The following PDE10A variants were observed in gnomAD, a reference collection of about 807,000 sequenced individuals.
PDE10A encodes phosphodiesterase 10A.
In PDE10A, 39 loss-of-function variants were observed where a neutral mutation model predicts 97.7. That is an observed-to-expected ratio of 0.40 (90% CI 0.31 to 0.52). The LOEUF is 0.52. Ranked by LOEUF, PDE10A falls within the 20% of genes least tolerant of loss-of-function variation. PDE10A has a pLI of 0.56. For synonymous variants in PDE10A, 371 were observed against 376.8 expected, an observed-to-expected ratio of 0.98 and a Z score of 0.18; for missense variants, 731 against 1,047.8, an observed-to-expected ratio of 0.70 and a Z score of 4.17.
At chr6:165,829,198 T>G (rs944185238) in intron 1 of PDE10A, among the ~76,000 whole-genome samples, 1 of 152,194 alleles carries the variant, frequency 6.6e-6, no homozygotes, top group African/African-American at 2.4e-5. Context: ...ATCAGAGCCC[T>G]TGTGCAGGCC....
At chr6:165,360,731 C>T (rs1783354390) in intron 18 of PDE10A, among the ~76,000 whole-genome samples, 1 of 152,178 alleles carries the variant, frequency 6.6e-6, no homozygotes, top group African/African-American at 2.4e-5. Context: ...CTGACTCTGT[C>T]TGTAAAGCAA....
chr6:165,865,784 G>A (rs1562773649), intron 1 of PDE10A, among the ~76,000 whole-genome samples: 1 of 151,900 alleles, frequency 6.6e-6, no homozygotes, highest in African/African-American at 2.4e-5. Context: ...GTGCTATATG[G>A]GACACCATAA....
chr6:165,585,720 T>C (rs1215513890), intron 1 of PDE10A, among the ~76,000 whole-genome samples: 1 of 152,188 alleles, frequency 6.6e-6, no homozygotes, highest in African/African-American at 2.4e-5. Context: ...TGCACTTCTG[T>C]TGTTTTAAGC....
chr6:165,431,353 C>A (rs1789539458), intron 8 of PDE10A, 69 bp downstream of exon 8: 4 of 963,470 alleles, frequency 4.2e-6, no homozygotes, highest in African/African-American at 1.7e-5. Flanking sequence ...CTATTCCGGT[C>A]TTCAATGCCT....
At chr6:165,572,627 C>A (rs1252900461) in intron 1 of PDE10A, among the ~76,000 whole-genome samples, 2 of 152,188 alleles carry the variant, frequency 1.3e-5, no homozygotes, top group Non-Finnish European at 2.9e-5. Flanking sequence ...CGGCTGGGTG[C>A]CGTGGCTCAC....
intron 1 of PDE10A, among the ~76,000 whole-genome samples, chr6:165,944,041 A>G (rs1294670624): frequency 6.6e-6 from 1 of 152,232 alleles, no homozygotes; most frequent in Non-Finnish European, 1.5e-5. Context: ...TGGTTGAGGA[A>G]GCCTCAGGAA....
rs145770473 is a variant in PDE10A at position 165,417,716 on chromosome 6, C to T, written c.1796+919G>A. 2.0e-5 allele frequency among the ~76,000 whole-genome samples: 3 copies of T among 152,096 alleles called. No homozygotes were observed. In the East Asian group the frequency reaches 5.8e-4, roughly 29 times the overall value. ...GTGCCTATAAATCAGAGTTAATGGACATGGAATACACAGGAAGCGCTGAGG... is the reference window on the plus strand; with the variant it reads ...GTGCCTATAAATCAGAGTTAATGGATATGGAATACACAGGAAGCGCTGAGG... On this transcript the variant is annotated intron_variant, in intron 11 of 21. Coordinates refer to ENST00000539869, the MANE Select transcript of PDE10A (RefSeq NM_001385079.1).
intron 1 of PDE10A, among the ~76,000 whole-genome samples, chr6:165,866,401 T>C (rs933484550): frequency 2.7e-5 from 3 of 111,068 alleles, no homozygotes; most frequent in Non-Finnish European, 6.2e-5. Context: ...CACTTCTGGC[T>C]TTTCAGTAAT....
chr6:165,341,719 G>T (rs1006853746), intron 19 of PDE10A, among the ~76,000 whole-genome samples: 5 of 152,042 alleles, frequency 3.3e-5, no homozygotes, highest in Admixed American at 3.3e-4. Flanking sequence ...CTGCTTCTTG[G>T]GAGCACTTCC....
At chr6:165,485,477 A>T (rs992745323) in intron 2 of PDE10A, among the ~76,000 whole-genome samples, 1 of 151,792 alleles carries the variant, frequency 6.6e-6, no homozygotes, top group Non-Finnish European at 1.5e-5. Flanking sequence ...CAAAAAAAAA[A>T]AAAAAAAAAG....
chr6:165,618,611 C>A (rs1174922528), intron 1 of PDE10A, among the ~76,000 whole-genome samples: 2 of 151,996 alleles, frequency 1.3e-5, no homozygotes, highest in Non-Finnish European at 2.9e-5. Flanking sequence ...GGGTTCAGGG[C>A]CCCCCAGAAA....
At chr6:165,964,666 G>A (rs1210569739) in intron 1 of PDE10A, among the ~76,000 whole-genome samples, 3 of 152,180 alleles carry the variant, frequency 2.0e-5, no homozygotes, top group Non-Finnish European at 4.4e-5. Context: ...CCTGGTCCCT[G>A]TTATCCAGCA....
chr6:165,419,341 TTAAG>T (rs986703477), intron 10 of PDE10A, among the ~76,000 whole-genome samples: 11 of 152,348 alleles, frequency 7.2e-5, no homozygotes, highest in African/African-American at 2.2e-4. Flanking sequence ...GTACAGATTA[TTAAG>T]TGTTTACTAT....
chr6:165,639,556 G>C (rs1354272797), intron 1 of PDE10A, among the ~76,000 whole-genome samples: 1 of 151,728 alleles, frequency 6.6e-6, no homozygotes, highest in East Asian at 1.9e-4. Flanking sequence ...TGGCCAACAT[G>C]GCAAAATCCC....
At chr6:165,581,353 G>C (rs1785607917) in intron 1 of PDE10A, among the ~76,000 whole-genome samples, 2 of 152,192 alleles carry the variant, frequency 1.3e-5, no homozygotes, top group Admixed American at 1.3e-4. Flanking sequence ...TAGGTCATGA[G>C]AGTAGAGCCC....
chr6:165,936,204 A>T (rs982144014), intron 1 of PDE10A, among the ~76,000 whole-genome samples: 5 of 152,192 alleles, frequency 3.3e-5, no homozygotes, highest in African/African-American at 4.8e-5. Flanking sequence ...CCTCTGATGT[A>T]TTCATGCAGA....
chr6:165,619,233 A>AGT (rs1787909174), intron 1 of PDE10A, among the ~76,000 whole-genome samples: 2 of 55,388 alleles, frequency 3.6e-5, no homozygotes, highest in African/African-American at 1.9e-4. Flanking sequence ...TGTAGTGTAG[A>AGT]CTAGTGTGGT....
intron 1 of PDE10A, among the ~76,000 whole-genome samples, chr6:165,930,582 A>T (rs1783101455): frequency 6.6e-6 from 1 of 152,216 alleles, no homozygotes; most frequent in Non-Finnish European, 1.5e-5. Flanking sequence ...TCTTCAAAAG[A>T]TACTCAGGGT....
At chr6:165,842,948 G>T (rs1302949165) in intron 1 of PDE10A, among the ~76,000 whole-genome samples, 1 of 152,186 alleles carries the variant, frequency 6.6e-6, no homozygotes, top group Non-Finnish European at 1.5e-5. Flanking sequence ...CATCTGCCTT[G>T]TCTACCTGAA....
Sources: allele counts gnomAD v4.1 joint callset (sites outside exome capture counted in the v4.1 genomes callset), GRCh38; gene constraint gnomAD v4.1.1; transcripts MANE v1.5; gene names NCBI Gene and HGNC (gene_info 2026-07-23, HGNC 2026-07-21).